Variants in CACNA1G observed in about 807,000 individuals in gnomAD.
The protein encoded by CACNA1G is calcium voltage-gated channel subunit alpha1 G, also known as voltage-dependent T-type calcium channel subunit alpha-1G.
In CACNA1G, 67 loss-of-function variants were observed where a neutral mutation model predicts 219.4. That is an observed-to-expected ratio of 0.31 (90% CI 0.25 to 0.37). The LOEUF (loss-of-function observed/expected upper bound fraction) is 0.37. Among genes scored for constraint, CACNA1G ranks in the 10% least tolerant of loss-of-function variants. The pLI, the probability that CACNA1G is intolerant of heterozygous loss-of-function variation, is 1.00. For missense variants in CACNA1G, 2,380 were observed against 3,231.4 expected (o/e 0.74, Z 6.39); for synonymous variants, 1,296 against 1,345.3 (o/e 0.96, Z 0.80).
At position 50,590,407 on chromosome 17, in the gene CACNA1G, T is replaced by C. The variant is rs2044039473; in HGVS notation, c.2302-64T>C. The C allele has an allele frequency of 3.8e-6, 6 of 1,567,788 alleles. No individual in the cohort carries two copies. In the South Asian group the frequency reaches 6.7e-5, roughly 17 times the overall value. On this transcript the variant is annotated intron_variant, in intron 9 of 37. Coordinates refer to ENST00000359106, the MANE Select transcript of CACNA1G (RefSeq NM_018896.5). ...CCTCCTCTCCCTGGTGTCCCATGTTTGGAGGACTGGATCGAGGGGCTCAGT... is the reference window on the plus strand; with the variant it reads ...CCTCCTCTCCCTGGTGTCCCATGTTCGGAGGACTGGATCGAGGGGCTCAGT...
Position 50,603,868 on chromosome 17 carries a change from C to T in CACNA1G, c.4170-287C>T, listed in dbSNP as rs536800845. Reference sequence around the variant, plus strand: ...CACAATACACTGCATCTCTAGGGAACGCCTCACTTGAGTTGAATCCTCCCC... The same window carrying T: ...CACAATACACTGCATCTCTAGGGAATGCCTCACTTGAGTTGAATCCTCCCC... On this transcript the variant is annotated intron_variant, in intron 21 of 37. Coordinates refer to ENST00000359106, the MANE Select transcript of CACNA1G (RefSeq NM_018896.5). The surrounding 1 kb of genome is among the most constrained non-coding windows in gnomAD (Gnocchi z 6.4). 3.9e-5 allele frequency among the ~76,000 whole-genome samples: 6 copies of T among 152,276 alleles called. No individual in the cohort carries two copies. The highest frequency in any genetic ancestry group is 4.8e-5 in the African/African-American group (2 of 41,538).
chr17:50,623,557 T>C lies in CACNA1G; in HGVS notation c.6061-350T>C, dbSNP rs777531621. On this transcript the variant is annotated intron_variant, in intron 35 of 37. Transcript: ENST00000359106. ...GTGAGCCACCTGCAGGGCTGGGGGC[T>C]GGGGGCTGCTCTCCCTTCTCTGGAT... Among the ~76,000 whole-genome samples the C allele has an allele frequency of 5.9e-5, 9 of 152,166 alleles. No individual in the cohort carries two copies. In the South Asian group the frequency reaches 1.2e-3, roughly 21 times the overall value.
At chr17:50,590,092 G>A (rs747853105) in intron 9 of CACNA1G, among the ~76,000 whole-genome samples, 22 of 152,082 alleles carry the variant, frequency 1.4e-4, no homozygotes, top group Admixed American at 2.6e-4. Context: ...TCTGACATCC[G>A]CCAGCATTGT....
At position 50,571,680 on chromosome 17, in the gene CACNA1G, A is replaced by G. The variant is rs985025634; in HGVS notation, c.587-198A>G. Among the ~76,000 whole-genome samples, 2 of 152,176 alleles carry G rather than the reference A, an allele frequency of 1.3e-5. No individual in the cohort carries two copies. Among genetic ancestry groups the G allele is most frequent in the Non-Finnish European group, 2.9e-5 (2 of 68,010 alleles). On this transcript the variant is annotated intron_variant, in intron 4 of 37. Transcript: ENST00000359106. The surrounding 1 kb of genome is among the most constrained non-coding windows in gnomAD (Gnocchi z 4.3). ...TGCAGATTACCGTGGGCAAGCCACA[A>G]GGGGAAGTGGGTCGGGGCAAGGGGC...
intron 36 of CACNA1G, 36 bp from the exon 37 acceptor site, chr17:50,624,324 T>TGCCCCCCCCCCCCCCCCCCCGAC: frequency 8.5e-7 from 1 of 1,177,664 alleles, no homozygotes; most frequent in Non-Finnish European, 1.2e-6. Context: ...CTCCATTCTC[T>TGCCCCCCCCCCCCCCCCCCCGAC]CCCCCCACCC....
intron 13 of CACNA1G, among the ~76,000 whole-genome samples, chr17:50,593,928 A>C (rs1354132505): frequency 6.6e-6 from 1 of 152,176 alleles, no homozygotes; most frequent in Non-Finnish European, 1.5e-5. Context: ...GGACAACTCC[A>C]AGGCACCTGC....
In CACNA1G at chr17:50,590,354, C is replaced by T. The variant is rs2044028076; in HGVS notation, c.2302-117C>T. ...CCCATGGGCCTGAGCATCCAGCAAC[C>T]CCTCCGCACAAGCTTGCTATTCCTG... On this transcript the variant is annotated intron_variant, in intron 9 of 37. Coordinates refer to ENST00000359106, the MANE Select transcript of CACNA1G (RefSeq NM_018896.5). 19 of 1,150,570 alleles carry T rather than the reference C, an allele frequency of 1.7e-5. No individual in the cohort carries two copies. In the South Asian group the frequency reaches 2.1e-4, roughly 13 times the overall value. 71.3% of individuals were successfully genotyped at this position (1,150,570 alleles called of 1,614,324 possible). A position where few individuals can be genotyped will look rare whatever the true frequency, so the allele number is the denominator to read the frequency against.
chr17:50,567,972 G>A (rs1022871978), intron 1 of CACNA1G, among the ~76,000 whole-genome samples: 3 of 152,170 alleles, frequency 2.0e-5, no homozygotes, highest in African/African-American at 7.2e-5. Context: ...GGGGGAGGGG[G>A]TAGACATTGT....
At chr17:50,597,068 G>A (rs774762780) in intron 16 of CACNA1G, 145 bp downstream of exon 16, 56 of 814,570 alleles carry the variant, frequency 6.9e-5, no homozygotes, top group Non-Finnish European at 1.0e-4. Context: ...CAAGCCCCTG[G>A]GGAATCTGCG....
intron 20 of CACNA1G, 39 bp from the exon 21 acceptor site, chr17:50,602,976 C>T (rs781401367): frequency 1.1e-5 from 18 of 1,609,538 alleles, no homozygotes; most frequent in Admixed American, 6.7e-5. Context: ...TTGGCTGCAG[C>T]GCAGGGAGGG....
chr17:50,608,043 C>T (rs746343321), intron 25 of CACNA1G, 24 bp downstream of exon 25: 49 of 1,578,798 alleles, frequency 3.1e-5, no homozygotes, highest in Non-Finnish European at 3.9e-5. Context: ...GATGGCTGGT[C>T]GGTAGTCTTT....
In CACNA1G at chr17:50,626,528, A is replaced by G; in HGVS notation, c.6911A>G (p.Lys2304Arg). 1.3e-6 allele frequency: 2 copies of G among 1,574,204 alleles called. No homozygotes were observed. The highest frequency in any genetic ancestry group is 1.7e-6 in the Non-Finnish European group (2 of 1,161,956). ...GGGGGGCCTGGGAGCCGGCCCAAGA[A>G]AAAACTCAGCCCGCCTAGTATCACC... ...PLGGPGSRPKKKLSPPSITID... is the reference protein window; with the variant it reads ...PLGGPGSRPKRKLSPPSITID... Residue 2304 changes from lysine to arginine, a missense_variant, in exon 38 of 38, where the codon AAA becomes AGA. Physicochemically the swap from Lys to Arg is conservative, Grantham distance 26. This residue lies in a region of CACNA1G where 672 missense variants were observed against 670.5 expected (regional missense o/e 1.00). Coordinates refer to ENST00000359106, the MANE Select transcript of CACNA1G (RefSeq NM_018896.5). This position sits in a 1 kb window ranked among gnomAD's most constrained non-coding sequence, Gnocchi z 4.3.
intron 22 of CACNA1G, among the ~76,000 whole-genome samples, chr17:50,604,521 C>T (rs2047517773): frequency 6.6e-6 from 1 of 152,248 alleles, no homozygotes; most frequent in African/African-American, 2.4e-5. Context: ...GCCATGGGAG[C>T]CGCAGGCTGC....
Position 50,565,578 on chromosome 17 carries a change from T to G in CACNA1G, c.243-3292T>G, listed in dbSNP as rs139166877. On this transcript the variant is annotated intron_variant, in intron 1 of 37. Transcript: ENST00000359106. Reference sequence around the variant, plus strand: ...AGGACTCCTGGGTCCAGGCCCATTTTCTCCTCAACGTTCCTTAGTCTCACA... The same window carrying G: ...AGGACTCCTGGGTCCAGGCCCATTTGCTCCTCAACGTTCCTTAGTCTCACA... 7.5e-4 allele frequency among the ~76,000 whole-genome samples: 114 copies of G among 152,200 alleles called. 1 individual carries two copies. In the South Asian group the frequency reaches 9.1e-3, roughly 12 times the overall value.
Position 50,576,335 on chromosome 17 carries a change from T to C in CACNA1G, c.1924+9T>C. 6.4e-7 allele frequency: 1 copy of C among 1,563,524 alleles called. No individual in the cohort carries two copies. Among genetic ancestry groups the C allele is most frequent in the Non-Finnish European group, 8.7e-7 (1 of 1,154,094 alleles). ...GGAGACACAGAGTACAGGTGAGAAC[T>C]CTGGGTGGAGGCATGTGGGTGCCCT... On this transcript the variant is annotated intron_variant, in intron 8 of 37. Transcript: ENST00000359106.
At position 50,621,381 on chromosome 17, in the gene CACNA1G, ATGCGTTTC is replaced by A. The variant is rs1331837019; in HGVS notation, c.5926-276_5926-269del. 6.6e-6 allele frequency among the ~76,000 whole-genome samples: 1 copy of A among 151,926 alleles called. No homozygotes were observed. The highest frequency in any genetic ancestry group is 1.9e-4 in the East Asian group (1 of 5,156). On this transcript the variant is annotated intron_variant, in intron 34 of 37. Transcript: ENST00000359106. This position sits in a 1 kb window ranked among gnomAD's most constrained non-coding sequence, Gnocchi z 4.6. ...GGGAGGCTCCTGGGGTATCTTTAGA[ATGCGTTTC>A]TGTGTCTCCTCGCTTTGTCAGTGTT...
In CACNA1G at chr17:50,600,725, G is replaced by A; in HGVS notation, c.3691-1G>A. ...CTCATACTCCAGTGTTTGTTCTGCA[G>A]AGCAAAGGGGAACGGGTCCGCGCGT... is the stretch of plus-strand genomic sequence containing the variant. On this transcript the variant is annotated splice_acceptor_variant, in intron 17 of 37. Coordinates refer to ENST00000359106, the MANE Select transcript of CACNA1G (RefSeq NM_018896.5). LOFTEE classifies it high-confidence loss of function. The surrounding 1 kb of genome is among the most constrained non-coding windows in gnomAD (Gnocchi z 4.1). 1 of 1,613,720 alleles carries A rather than the reference G, an allele frequency of 6.2e-7. No homozygotes were observed. The highest frequency in any genetic ancestry group is 8.5e-7 in the Non-Finnish European group (1 of 1,179,718).
intron 16 of CACNA1G, among the ~76,000 whole-genome samples, chr17:50,597,888 C>T (rs1168812600): frequency 6.6e-6 from 1 of 152,220 alleles, no homozygotes; most frequent in African/African-American, 2.4e-5. Flanking sequence ...TAAGTGAGAT[C>T]ATATGGTATT....
chr17:50,599,892 C>T (rs1483599686), intron 17 of CACNA1G, 33 bp downstream of exon 17: 3 of 1,585,032 alleles, frequency 1.9e-6, no homozygotes, highest in African/African-American at 2.7e-5. Context: ...GACCCCTCAC[C>T]CCTGACCTTG....
Sources: allele counts gnomAD v4.1 joint callset (sites outside exome capture counted in the v4.1 genomes callset), GRCh38; gene constraint gnomAD v4.1.1; regional missense constraint gnomAD v4.1.1; non-coding constraint Gnocchi (gnomAD v3.1); transcripts MANE v1.5; gene names NCBI Gene and HGNC (gene_info 2026-07-23, HGNC 2026-07-21).